RBM47: variants seen among roughly 807,000 people sequenced by gnomAD.
RBM47 encodes RNA binding motif protein 47, also known as RNA-binding protein 47.
RBM47 carries 21 observed loss-of-function variants against 47.1 expected under a neutral mutation model. The observed-to-expected ratio is 0.45, with a 90% CI of 0.32 to 0.64. The LOEUF is 0.64. Ranked by LOEUF, RBM47 falls within the 30% of genes least tolerant of loss-of-function variation. RBM47 has a pLI of 0.05. For synonymous variants in RBM47, 375 were observed against 361.7 expected (o/e 1.04, Z -0.42); for missense variants, 708 against 870.9 (o/e 0.81, Z 2.35).
chr4:40,586,475 G>A (rs551728937), intron 1 of RBM47, among the ~76,000 whole-genome samples: 3 of 151,664 alleles, frequency 2.0e-5, no homozygotes, highest in South Asian at 2.1e-4. Flanking sequence ...GGTAAGAAGG[G>A]GTTAATGGCA....
At chr4:40,538,650 G>GTTTT (rs1237220037) in intron 2 of RBM47, among the ~76,000 whole-genome samples, 3 of 149,290 alleles carry the variant, frequency 2.0e-5, no homozygotes, top group Non-Finnish European at 3.0e-5. Flanking sequence ...TTGTTTGTTT[G>GTTTT]TTTTGAGACG....
rs1018746716 is a variant in RBM47 at position 40,549,100 on chromosome 4, C to CT, written c.-239-4595dup. On this transcript the variant is annotated intron_variant, in intron 1 of 6. Coordinates refer to ENST00000295971, the MANE Select transcript of RBM47 (RefSeq NM_001098634.2). ...GCCACACATGACTGTACCTCAGTTTCTTTTTTTTTGGGGGGGGGGACACAG... is the reference window on the plus strand; with the variant it reads ...GCCACACATGACTGTACCTCAGTTTCTTTTTTTTTTGGGGGGGGGGACACAG... Among the ~76,000 whole-genome samples, 25 of 139,692 alleles carry CT rather than the reference C, an allele frequency of 1.8e-4. 1 individual carries two copies. Among genetic ancestry groups the CT allele is most frequent in the African/African-American group, 5.3e-4 (18 of 34,148 alleles). The allele number at this position is 139,692 out of a possible 152,430, so 91.6% of individuals were successfully genotyped here.
At chr4:40,586,005 A>C (rs1464204478) in intron 1 of RBM47, among the ~76,000 whole-genome samples, 1 of 152,326 alleles carries the variant, frequency 6.6e-6, no homozygotes, top group South Asian at 2.1e-4. Context: ...TATAAAGTAC[A>C]TTTGATGGTT....
At chr4:40,516,186 C>T (rs1300180656) in intron 2 of RBM47, among the ~76,000 whole-genome samples, 1 of 152,004 alleles carries the variant, frequency 6.6e-6, no homozygotes, top group Non-Finnish European at 1.5e-5. Flanking sequence ...TTCCTCTCTC[C>T]TTTCTTGCCT....
intron 1 of RBM47, among the ~76,000 whole-genome samples, chr4:40,592,977 A>AT (rs1734374819): frequency 7.6e-5 from 1 of 13,148 alleles, no homozygotes; most frequent in Non-Finnish European, 1.2e-4. Flanking sequence ...ATATATATAT[A>AT]TATTTTTTTT....
intron 1 of RBM47, among the ~76,000 whole-genome samples, chr4:40,562,025 T>A (rs1235269542): frequency 6.6e-6 from 1 of 152,178 alleles, no homozygotes; most frequent in Non-Finnish European, 1.5e-5. Flanking sequence ...GACTACTTAC[T>A]CATTTTAAAA....
At chr4:40,624,860 CTT>C (rs1172791380) in intron 1 of RBM47, among the ~76,000 whole-genome samples, 8,550 of 119,636 alleles carry the variant, frequency 0.071, 195 homozygotes, top group East Asian at 0.12. Context: ...TTTTCTTTTT[CTT>C]TTTTTTTTTT....
At chr4:40,509,677 C>G (rs1008921208) in intron 2 of RBM47, among the ~76,000 whole-genome samples, 1 of 149,154 alleles carries the variant, frequency 6.7e-6, no homozygotes, top group Non-Finnish European at 1.5e-5. Context: ...GTCAGGAGAT[C>G]GAGACCATCC....
At chr4:40,539,238 G>C (rs1183833855) in intron 2 of RBM47, among the ~76,000 whole-genome samples, 1 of 152,154 alleles carries the variant, frequency 6.6e-6, no homozygotes, top group Non-Finnish European at 1.5e-5. Context: ...GGATTGCCTT[G>C]AGCAGCCTGG....
At chr4:40,584,341 C>T (rs1733328458) in intron 1 of RBM47, among the ~76,000 whole-genome samples, 1 of 152,150 alleles carries the variant, frequency 6.6e-6, no homozygotes, top group Non-Finnish European at 1.5e-5. Context: ...CCCTGTGAGC[C>T]ATGACATGGA....
intron 1 of RBM47, among the ~76,000 whole-genome samples, chr4:40,606,382 C>T (rs1168491826): frequency 6.6e-6 from 1 of 151,788 alleles, no homozygotes; most frequent in African/African-American, 2.4e-5. Flanking sequence ...AAAAGAAAAA[C>T]GGTGGACTAG....
At chr4:40,620,809 C>T (rs1445702807) in intron 1 of RBM47, among the ~76,000 whole-genome samples, 1 of 152,258 alleles carries the variant, frequency 6.6e-6, no homozygotes, top group East Asian at 1.9e-4. Flanking sequence ...GCTGGGATTA[C>T]AGGCGTGAGC....
chr4:40,497,620 T>G (rs936868134), intron 2 of RBM47, among the ~76,000 whole-genome samples: 1 of 151,356 alleles, frequency 6.6e-6, no homozygotes, highest in Non-Finnish European at 1.5e-5. Flanking sequence ...TTAAAAAATT[T>G]TAAATAAATA....
chr4:40,538,769 C>G (rs75892325), intron 2 of RBM47, among the ~76,000 whole-genome samples: 5,376 of 152,054 alleles, frequency 0.035, 344 homozygotes, highest in African/African-American at 0.12. Context: ...AAGTAGCTGA[C>G]ATTACAGATG....
intron 1 of RBM47, among the ~76,000 whole-genome samples, chr4:40,553,238 A>ATC (rs1455299189): frequency 1.3e-5 from 2 of 149,216 alleles, no homozygotes; most frequent in African/African-American, 4.9e-5. Context: ...CCTCTTCCCT[A>ATC]TCTTTATTTC....
At chr4:40,472,401 C>A (rs1310706910) in intron 2 of RBM47, among the ~76,000 whole-genome samples, 5 of 151,742 alleles carry the variant, frequency 3.3e-5, no homozygotes, top group Non-Finnish European at 5.9e-5. Flanking sequence ...ATGGTGAAAC[C>A]CCGTCTCTGC....
chr4:40,587,702 T>C (rs956629417), intron 1 of RBM47, among the ~76,000 whole-genome samples: 1 of 152,180 alleles, frequency 6.6e-6, no homozygotes, highest in Non-Finnish European at 1.5e-5. Context: ...TCTATCTAGA[T>C]AATGGGCGTC....
Position 40,424,421 on chromosome 4 carries a change from A to T in RBM47, c.*1483T>A, listed in dbSNP as rs1714749876. 6.5e-6 allele frequency: 1 copy of T among 152,686 alleles called. No individual in the cohort carries two copies. Among genetic ancestry groups the T allele is most frequent in the African/African-American group, 2.4e-5 (1 of 41,478 alleles). 9.5% of individuals were successfully genotyped at this position (152,686 alleles called of 1,614,324 possible). A position where few individuals can be genotyped will look rare whatever the true frequency, so the allele number is the denominator to read the frequency against. On this transcript the variant is annotated 3_prime_UTR_variant, in exon 7 of 7. Transcript: ENST00000295971. ...GCTAAACAAAAGCCTTTAAACAGGCACAAAACACTGCAACAATACATTAAC... is the reference window on the plus strand; with the variant it reads ...GCTAAACAAAAGCCTTTAAACAGGCTCAAAACACTGCAACAATACATTAAC...
At chr4:40,602,248 T>C (rs1735348257) in intron 1 of RBM47, among the ~76,000 whole-genome samples, 1 of 152,084 alleles carries the variant, frequency 6.6e-6, no homozygotes, top group Non-Finnish European at 1.5e-5. Flanking sequence ...TGGGAATAAT[T>C]AATGAACCTC....
Sources: gnomAD v4.1 joint callset for allele counts (sites outside exome capture counted in the v4.1 genomes callset) on GRCh38, gnomAD v4.1.1 for gene constraint, MANE v1.5 for transcripts, NCBI Gene and HGNC (gene_info 2026-07-23, HGNC 2026-07-21) for gene names.